The following CCDC102B variants were observed in gnomAD, a reference collection of about 807,000 sequenced individuals.
The protein encoded by CCDC102B is coiled-coil domain-containing protein 102B.
CCDC102B carries 75 observed loss-of-function variants against 57.4 expected under a neutral mutation model. The observed-to-expected ratio is 1.31, with a 90% confidence interval of 1.08 to 1.58. The LOEUF is 1.58. CCDC102B is among the 40% of genes most tolerant of loss of function. The probability of loss-of-function intolerance (pLI) is 0.00; values close to 1 mark genes in which losing one functional copy is unlikely to be tolerated. For missense variants in CCDC102B, 636 were observed against 582.6 expected (o/e 1.09, Z -0.94); for synonymous variants, 206 against 201.9 (o/e 1.02, Z -0.17).
intron 6 of CCDC102B, among the ~76,000 whole-genome samples, chr18:68,999,454 A>AC (rs1297964637): frequency 6.6e-6 from 1 of 151,718 alleles, no homozygotes; most frequent in African/African-American, 2.4e-5. Flanking sequence ...AAAAAAAAAA[A>AC]AAAAAACCCA....
chr18:68,914,682 A>G (rs894648273), intron 6 of CCDC102B, among the ~76,000 whole-genome samples: 1 of 152,202 alleles, frequency 6.6e-6, no homozygotes, highest in African/African-American at 2.4e-5. Flanking sequence ...CTGATTCACC[A>G]GAAATTGGAT....
chr18:68,878,269 G>A (rs1301045426), intron 5 of CCDC102B, among the ~76,000 whole-genome samples: 1 of 152,034 alleles, frequency 6.6e-6, no homozygotes, highest in Non-Finnish European at 1.5e-5. Flanking sequence ...GCTAACTTTT[G>A]CATGTTTTTG....
At chr18:68,788,481 G>T (rs367993864) in intron 2 of CCDC102B, among the ~76,000 whole-genome samples, 2 of 151,218 alleles carry the variant, frequency 1.3e-5, no homozygotes, top group African/African-American at 4.9e-5. Context: ...TTTGTAGGTC[G>T]CTCAGGACTT....
At chr18:69,016,892 A>C (rs1389383796) in intron 7 of CCDC102B, among the ~76,000 whole-genome samples, 1 of 152,170 alleles carries the variant, frequency 6.6e-6, no homozygotes, top group Non-Finnish European at 1.5e-5. Context: ...TAACATTTAC[A>C]GTATATATTA....
intron 2 of CCDC102B, among the ~76,000 whole-genome samples, chr18:68,776,703 TAATGGGTAA>T (rs1243457490): frequency 1.3e-5 from 2 of 151,950 alleles, no homozygotes; most frequent in Non-Finnish European, 2.9e-5. Flanking sequence ...GAAAAATAAC[TAATGGGTAA>T]TAGGCTTAAT....
chr18:69,055,551 T>C (rs2145509062), downstream of CCDC102B, among the ~76,000 whole-genome samples: 1 of 152,086 alleles, frequency 6.6e-6, no homozygotes, highest in South Asian at 2.1e-4. Context: ...GGGCCGCAGG[T>C]CAAGGTCTCA....
At chr18:69,039,380 T>C (rs2052374352) in intron 7 of CCDC102B, among the ~76,000 whole-genome samples, 1 of 151,988 alleles carries the variant, frequency 6.6e-6, no homozygotes, top group Non-Finnish European at 1.5e-5. Flanking sequence ...CCAATATTGT[T>C]GTAATTATTT....
At chr18:69,012,921 G>T (rs140721657) in intron 7 of CCDC102B, among the ~76,000 whole-genome samples, 1 of 152,144 alleles carries the variant, frequency 6.6e-6, no homozygotes, top group East Asian at 1.9e-4. Context: ...AGATGACACT[G>T]CTCCAATATA....
chr18:68,846,315 T>A lies in CCDC102B; in HGVS notation c.830T>A (p.Met277Lys). 6.7e-7 allele frequency: 1 copy of A among 1,502,102 alleles called. No individual in the cohort carries two copies. Among genetic ancestry groups the A allele is most frequent in the South Asian group, 1.4e-5 (1 of 70,950 alleles). 93.0% of individuals were successfully genotyped at this position (1,502,102 alleles called of 1,614,324 possible). Residue 277 changes from methionine (M) to lysine (K), a missense_variant and splice_region_variant, in exon 4 of 8, where the codon ATG (methionine) becomes AAG (lysine). Physicochemically the swap from Met to Lys is moderately conservative, Grantham distance 95. Transcript: ENST00000360242. Reference sequence around the variant, plus strand: ...CTTTTAATTCTTAAATTATTTAGAATGCGCACAGCTTTGGAAAAAGAAATA... The same window carrying A: ...CTTTTAATTCTTAAATTATTTAGAAAGCGCACAGCTTTGGAAAAAGAAATA... ...FQKILWKERE[M>K]RTALEKEIER...
At chr18:68,908,162 T>C (rs1448570275) in intron 6 of CCDC102B, 3 of 152,236 alleles carry the variant, frequency 2.0e-5, no homozygotes, top group African/African-American at 7.2e-5. Flanking sequence ...TTTTTCTTAA[T>C]ATTCTATTGG....
intron 2 of CCDC102B, among the ~76,000 whole-genome samples, chr18:68,786,242 T>C: frequency 6.6e-6 from 1 of 152,156 alleles, no homozygotes; most frequent in Admixed American, 6.5e-5. Flanking sequence ...CCTTGTAGTA[T>C]AGTTTGTTCA....
intron 6 of CCDC102B, among the ~76,000 whole-genome samples, chr18:68,991,119 T>G (rs2050853967): frequency 1.3e-5 from 1 of 75,494 alleles, no homozygotes. Context: ...TATTGGCCCT[T>G]CTGCTTTTTT....
chr18:69,052,349 A>G (rs1369468696), intron 7 of CCDC102B, among the ~76,000 whole-genome samples: 1 of 152,074 alleles, frequency 6.6e-6, no homozygotes, highest in Non-Finnish European at 1.5e-5. Context: ...ATTGAGTTAA[A>G]TTGGTAAACA....
chr18:69,040,199 TTCA>T (rs1231731837), intron 7 of CCDC102B, among the ~76,000 whole-genome samples: 8 of 152,126 alleles, frequency 5.3e-5, no homozygotes, highest in Admixed American at 1.3e-4. Flanking sequence ...TTTATGATCA[TTCA>T]TCATTTTAGG....
chr18:69,010,963 T>G lies in CCDC102B; in HGVS notation c.1293T>G (p.Tyr431Ter), dbSNP rs368196570. 16 of 1,608,370 alleles carry G rather than the reference T, an allele frequency of 9.9e-6. No homozygotes were observed. The highest frequency in any genetic ancestry group is 1.4e-5 in the Non-Finnish European group (16 of 1,176,788). The part of the protein sequence containing the change: ...QELLNLQHAY[Y>*]KLNRQYQANI... ...TACTGAACCTTCAACATGCCTACTA[T>G]AAACTAAACAGACAATACCAGGCAA... Residue 431 changes from tyrosine (Y) to a stop codon, truncating the protein, a stop_gained, in exon 7 of 8, where the codon TAT (tyrosine) becomes TAG (stop). Coordinates refer to ENST00000360242, the MANE Select transcript of CCDC102B (RefSeq NM_024781.3). LOFTEE classifies it high-confidence loss of function.
chr18:68,836,884 A>G lies in CCDC102B; in HGVS notation c.121A>G (p.Asn41Asp), dbSNP rs768389188. 6.2e-7 allele frequency: 1 copy of G among 1,614,002 alleles called. No individual in the cohort carries two copies. The highest frequency in any genetic ancestry group is 2.2e-5 in the East Asian group (1 of 44,882). ...TGCCTCACCCCCCAGGGATACCTGTAATACCTGCTTCCCACTTCATGGGCT... is the reference window on the plus strand; with the variant it reads ...TGCCTCACCCCCCAGGGATACCTGTGATACCTGCTTCCCACTTCATGGGCT... ...APASPPRDTC[N>D]TCFPLHGLQS... The change falls in exon 2 of 8, where the codon AAT (asparagine) becomes GAT (aspartate). Residue 41 changes from asparagine to aspartate, a missense_variant. Coordinates refer to ENST00000360242, the MANE Select transcript of CCDC102B (RefSeq NM_024781.3).
intron 6 of CCDC102B, among the ~76,000 whole-genome samples, chr18:68,945,090 G>GT (rs2049495586): frequency 3.7e-5 from 1 of 26,754 alleles, no homozygotes. Context: ...CTCTCTCTCT[G>GT]CCTCTCTCTC....
intron 4 of CCDC102B, among the ~76,000 whole-genome samples, chr18:68,857,302 TAATATATATTTATATATTATATATATAA>T (rs1440067693): frequency 7.8e-4 from 5 of 6,420 alleles, no homozygotes; most frequent in East Asian, 0.013. Context: ...ATTATATATA[TAATATATATTTATATATTATATATATAA>T]AATATATATT....
At chr18:68,807,164 T>C (rs1205301618) in intron 1 of CCDC102B, among the ~76,000 whole-genome samples, 2 of 152,172 alleles carry the variant, frequency 1.3e-5, no homozygotes, top group African/African-American at 2.4e-5. Context: ...TACATACTTA[T>C]GTTATTTTGA....
Sources: gnomAD v4.1 joint callset for allele counts (sites outside exome capture counted in the v4.1 genomes callset) on GRCh38, gnomAD v4.1.1 for gene constraint, MANE v1.5 for transcripts, NCBI Gene and HGNC (gene_info 2026-07-23, HGNC 2026-07-21) for gene names.